SPDYE10: variants seen among roughly 807,000 people sequenced by gnomAD.
The protein encoded by SPDYE10 is speedy protein E10.
At chr7:73,132,414 G>T in the SPDYE10 span, among the ~76,000 whole-genome samples, 1 of 152,132 alleles carries the variant, frequency 6.6e-6, no homozygotes, top group Non-Finnish European at 1.5e-5. Context: ...AGGCATGGTG[G>T]TATGTGCCTG....
chr7:73,123,780 T>TCTCTCTCC, the SPDYE10 span, among the ~76,000 whole-genome samples: 36 of 147,634 alleles, frequency 2.4e-4, no homozygotes, highest in African/African-American at 9.0e-4. Context: ...TCTCTCTCTC[T>TCTCTCTCC]CTCTCTCCCT....
At chr7:73,141,111 C>CACACACACACAG in the SPDYE10 span, among the ~76,000 whole-genome samples, 25 of 145,422 alleles carry the variant, frequency 1.7e-4, no homozygotes, top group African/African-American at 5.3e-4. Flanking sequence ...CACACACACA[C>CACACACACACAG]AGACAAAATT....
the SPDYE10 span, among the ~76,000 whole-genome samples, chr7:73,147,755 G>A: frequency 6.6e-5 from 10 of 150,952 alleles, no homozygotes; most frequent in Non-Finnish European, 8.8e-5. Context: ...TCAGCCTCCC[G>A]AAGTGCTGGG....
At chr7:73,142,960 G>A in the SPDYE10 span, among the ~76,000 whole-genome samples, 5 of 136,950 alleles carry the variant, frequency 3.7e-5, no homozygotes, top group African/African-American at 8.2e-5. Flanking sequence ...GGGAGGGAGG[G>A]AAGGAGAGAG....
chr7:73,150,907 A>AAAAAAAAACAT, the SPDYE10 span, among the ~76,000 whole-genome samples: 1 of 11,582 alleles, frequency 8.6e-5, no homozygotes, highest in African/African-American at 3.5e-4. Flanking sequence ...AAAAAAAAAA[A>AAAAAAAAACAT]ATATATATAT....
At chr7:73,128,479 G>A in the SPDYE10 span, among the ~76,000 whole-genome samples, 7 of 138,412 alleles carry the variant, frequency 5.1e-5, no homozygotes, top group Non-Finnish European at 1.1e-4. Context: ...CACATCTCCT[G>A]TAATCATGGA....
the SPDYE10 span, among the ~76,000 whole-genome samples, chr7:73,137,942 A>T: frequency 7.8e-6 from 1 of 129,004 alleles, no homozygotes; most frequent in Non-Finnish European, 1.6e-5. Flanking sequence ...GGGAAGGGGA[A>T]GGGAAGGGGA....
the SPDYE10 span, among the ~76,000 whole-genome samples, chr7:73,131,128 G>A: frequency 2.5e-5 from 3 of 120,220 alleles, no homozygotes; most frequent in African/African-American, 4.0e-5. Context: ...GAACCCAGGA[G>A]TTAAGAGGCT....
the SPDYE10 span, among the ~76,000 whole-genome samples, chr7:73,126,411 G>GCT: frequency 9.1e-6 from 1 of 109,872 alleles, no homozygotes; most frequent in South Asian, 3.2e-4. Flanking sequence ...GGAGGCTAAG[G>GCT]CAGGAGAATC....
the SPDYE10 span, among the ~76,000 whole-genome samples, chr7:73,124,666 AT>A: frequency 6.9e-6 from 1 of 145,300 alleles, no homozygotes; most frequent in East Asian, 2.0e-4. Context: ...GCTCATGCCT[AT>A]AATCCCAGCA....
At chr7:73,117,859 T>C in the SPDYE10 span, among the ~76,000 whole-genome samples, 4 of 130,882 alleles carry the variant, frequency 3.1e-5, no homozygotes, top group Non-Finnish European at 4.8e-5. Flanking sequence ...TAAAACTAAA[T>C]GTGTATGCTG....
the SPDYE10 span, among the ~76,000 whole-genome samples, chr7:73,149,622 T>C: frequency 6.6e-6 from 1 of 152,116 alleles, no homozygotes; most frequent in Admixed American, 6.5e-5. Context: ...TTTCTATTGG[T>C]TGGCTGGATA....
At chr7:73,111,340 G>A in the SPDYE10 span, among the ~76,000 whole-genome samples, 10 of 140,060 alleles carry the variant, frequency 7.1e-5, no homozygotes, top group African/African-American at 2.7e-4. Flanking sequence ...TCTGTCCTCA[G>A]AACACTGCCT....
At chr7:73,116,847 C>T in the SPDYE10 span, among the ~76,000 whole-genome samples, 2 of 149,858 alleles carry the variant, frequency 1.3e-5, no homozygotes, top group African/African-American at 5.0e-5. Flanking sequence ...TCCCAAAGTG[C>T]TGCAATTACA....
At chr7:73,114,027 CAA>C in the SPDYE10 span, among the ~76,000 whole-genome samples, 8 of 75,848 alleles carry the variant, frequency 1.1e-4, no homozygotes, top group African/African-American at 1.1e-4. Flanking sequence ...GACTCCGTCT[CAA>C]AAAAAAAAAA....
chr7:73,128,258 T>C, the SPDYE10 span, among the ~76,000 whole-genome samples: 2 of 146,316 alleles, frequency 1.4e-5, no homozygotes, highest in South Asian at 4.4e-4. Flanking sequence ...TGATACCAGT[T>C]ATATACAATG....
At chr7:73,134,566 A>AAACC in the SPDYE10 span, among the ~76,000 whole-genome samples, 1 of 152,040 alleles carries the variant, frequency 6.6e-6, no homozygotes, top group Admixed American at 6.5e-5. Context: ...AGAAAGAAAG[A>AAACC]AACCGTGCAG....
chr7:73,111,797 A>C, the SPDYE10 span, among the ~76,000 whole-genome samples: 1 of 62,740 alleles, frequency 1.6e-5, no homozygotes, highest in Non-Finnish European at 2.7e-5. Flanking sequence ...ATAGCATCTC[A>C]CTCTGTCACC....
the SPDYE10 span, among the ~76,000 whole-genome samples, chr7:73,138,434 A>C: frequency 2.7e-5 from 4 of 150,306 alleles, no homozygotes; most frequent in South Asian, 8.3e-4. Context: ...GATGGAGTGC[A>C]GTGGTGCAAT....
Sources: allele counts gnomAD v4.1 joint callset (sites outside exome capture counted in the v4.1 genomes callset), GRCh38; gene constraint gnomAD v4.1.1; transcripts MANE v1.5; gene names NCBI Gene and HGNC (gene_info 2026-07-23, HGNC 2026-07-21).